The following KCNMA1 variants were observed in gnomAD, a reference collection of about 807,000 sequenced individuals.
KCNMA1 encodes the protein Calcium-activated potassium channel subunit alpha-1.
Under a neutral mutation model 140.0 loss-of-function variants are expected in KCNMA1, and 29 were observed. That is an observed-to-expected ratio of 0.21 (90% CI 0.15 to 0.28). The LOEUF is 0.28. Ranked by LOEUF, KCNMA1 falls within the 10% of genes least tolerant of loss-of-function variation. KCNMA1 has a pLI of 1.00. For missense variants in KCNMA1, 880 were observed against 1,602.2 expected (o/e 0.55, Z 7.70); for synonymous variants, 612 against 611.9 (o/e 1.00, Z 0.00).
chr10:76,884,718 C>T (rs576801929), downstream of KCNMA1, among the ~76,000 whole-genome samples: 7 of 150,432 alleles, frequency 4.7e-5, no homozygotes, highest in East Asian at 1.4e-3. Flanking sequence ...AGCAGCAGCA[C>T]AGCCTCATTG....
intron 3 of KCNMA1, among the ~76,000 whole-genome samples, chr10:77,200,732 A>C (rs1181251216): frequency 6.6e-6 from 1 of 152,232 alleles, no homozygotes; most frequent in Non-Finnish European, 1.5e-5. Context: ...CATAAAATGA[A>C]CATATTTCAG....
chr10:77,542,223 C>A (rs1205462115), intron 1 of KCNMA1, among the ~76,000 whole-genome samples: 1 of 152,186 alleles, frequency 6.6e-6, no homozygotes, highest in African/African-American at 2.4e-5. Context: ...AAATAAATTT[C>A]TACTGTTTGC....
intron 19 of KCNMA1, among the ~76,000 whole-genome samples, chr10:76,987,759 C>T (rs2081672036): frequency 6.6e-6 from 1 of 152,068 alleles, no homozygotes; most frequent in African/African-American, 2.4e-5. Context: ...ATGATGGATG[C>T]TTATGTGGAG....
chr10:77,206,351 G>A (rs916125098), intron 3 of KCNMA1, among the ~76,000 whole-genome samples: 4 of 152,090 alleles, frequency 2.6e-5, no homozygotes, highest in South Asian at 2.1e-4. Context: ...TTTCTATTTA[G>A]TAGATATGTT....
intron 2 of KCNMA1, among the ~76,000 whole-genome samples, chr10:77,327,726 G>A (rs948743444): frequency 6.6e-6 from 1 of 151,928 alleles, no homozygotes; most frequent in African/African-American, 2.4e-5. Context: ...TGTAAGGTAG[G>A]ACTGCCCACA....
chr10:77,573,979 A>C (rs1237820541), intron 1 of KCNMA1, among the ~76,000 whole-genome samples: 4 of 151,932 alleles, frequency 2.6e-5, no homozygotes, highest in South Asian at 4.2e-4. Context: ...TTAGGACTAC[A>C]TGCGTGTGCC....
At chr10:77,209,081 C>A (rs1046443314) in intron 3 of KCNMA1, among the ~76,000 whole-genome samples, 1 of 152,184 alleles carries the variant, frequency 6.6e-6, no homozygotes, top group African/African-American at 2.4e-5. Flanking sequence ...ACATTCCCGC[C>A]TCCACAGAGC....
At chr10:77,515,829 G>C (rs1383080700) in intron 1 of KCNMA1, among the ~76,000 whole-genome samples, 1 of 152,100 alleles carries the variant, frequency 6.6e-6, no homozygotes, top group East Asian at 1.9e-4. Context: ...CCAGCCCCTG[G>C]GCTGGGAGGC....
intron 1 of KCNMA1, among the ~76,000 whole-genome samples, chr10:77,452,755 C>T (rs749837152): frequency 2.6e-5 from 4 of 152,202 alleles, no homozygotes; most frequent in Non-Finnish European, 5.9e-5. Flanking sequence ...CCATCTGCTT[C>T]TGATGATGTT....
intron 3 of KCNMA1, among the ~76,000 whole-genome samples, chr10:77,200,158 C>T (rs140088373): frequency 0.01 from 1,534 of 152,246 alleles, 33 homozygotes; most frequent in African/African-American, 0.035. Flanking sequence ...ACCATGTTGG[C>T]TAGGCTGGTC....
chr10:77,059,516 T>A (rs1391613949), intron 14 of KCNMA1, among the ~76,000 whole-genome samples: 1 of 152,144 alleles, frequency 6.6e-6, no homozygotes, highest in Admixed American at 6.5e-5. Context: ...CTAGGGTCTC[T>A]CCCAGGAATG....
chr10:77,514,899 T>G (rs761711446), intron 1 of KCNMA1, among the ~76,000 whole-genome samples: 4 of 149,170 alleles, frequency 2.7e-5, no homozygotes, highest in South Asian at 2.2e-4. Flanking sequence ...GCCTGTTTTG[T>G]TTTTTTTTGT....
chr10:77,302,528 A>C (rs1177681254), intron 2 of KCNMA1, among the ~76,000 whole-genome samples: 1 of 152,168 alleles, frequency 6.6e-6, no homozygotes, highest in Non-Finnish European at 1.5e-5. Flanking sequence ...TTCAGCCCCC[A>C]CATTCTCCAG....
chr10:77,375,643 C>G (rs1678136878), intron 2 of KCNMA1, among the ~76,000 whole-genome samples: 1 of 152,228 alleles, frequency 6.6e-6, no homozygotes, highest in Non-Finnish European at 1.5e-5. Flanking sequence ...TGAGAAAATC[C>G]TGTGACAGGC....
chr10:77,173,592 C>G (rs1020265661), intron 5 of KCNMA1, among the ~76,000 whole-genome samples: 13 of 152,152 alleles, frequency 8.5e-5, no homozygotes, highest in Admixed American at 8.5e-4. Context: ...TTTTGGATTT[C>G]TCTTTCTCTC....
At chr10:77,184,791 T>C (rs1565068720) in intron 4 of KCNMA1, 32 bp downstream of exon 4, 2 of 1,331,784 alleles carry the variant, frequency 1.5e-6, no homozygotes, top group East Asian at 2.3e-5. Flanking sequence ...AAACACCCCA[T>C]TGTGATACTG....
chr10:77,210,146 A>G (rs2045579481), intron 3 of KCNMA1, among the ~76,000 whole-genome samples: 2 of 152,214 alleles, frequency 1.3e-5, no homozygotes, highest in South Asian at 2.1e-4. Context: ...CCTGATGAAC[A>G]TAGATGCAAA....
chr10:77,414,360 AC>A (rs1365212809), intron 1 of KCNMA1, among the ~76,000 whole-genome samples: 39 of 152,294 alleles, frequency 2.6e-4, no homozygotes, highest in African/African-American at 9.1e-4. Flanking sequence ...TTCCCTGAGG[AC>A]CAAGGGGGTC....
chr10:77,321,461 T>C (rs2082298670), intron 2 of KCNMA1, among the ~76,000 whole-genome samples: 1 of 145,656 alleles, frequency 6.9e-6, no homozygotes, highest in Non-Finnish European at 1.6e-5. Context: ...GTCCTGAGGA[T>C]ATTGTCAGTA....
Sources: gnomAD v4.1 joint callset for allele counts (sites outside exome capture counted in the v4.1 genomes callset) on GRCh38, gnomAD v4.1.1 for gene constraint, MANE v1.5 for transcripts, NCBI Gene and HGNC (gene_info 2026-07-23, HGNC 2026-07-21) for gene names.